The following LCORL variants were observed in gnomAD, a reference collection of about 807,000 sequenced individuals.
LCORL encodes ligand dependent nuclear receptor corepressor like, also known as ligand-dependent nuclear receptor corepressor-like protein.
LCORL carries 41 observed loss-of-function variants against 141.8 expected under a neutral mutation model. The ratio of observed to expected loss-of-function variants is 0.29; its 90% confidence interval spans 0.23 to 0.38. The LOEUF is 0.38. Among genes scored for constraint, LCORL ranks in the 10% least tolerant of loss-of-function variants. The pLI, the probability that LCORL is intolerant of heterozygous loss-of-function variation, is 1.00. For missense variants in LCORL, 1,759 were observed against 2,035.0 expected, an observed-to-expected ratio of 0.86 and a Z score of 2.61; for synonymous variants, 618 against 694.1, an observed-to-expected ratio of 0.89 and a Z score of 1.72.
intron 1 of LCORL, among the ~76,000 whole-genome samples, chr4:17,997,176 C>T (rs1721044573): frequency 6.6e-6 from 1 of 152,144 alleles, no homozygotes; most frequent in African/African-American, 2.4e-5. Context: ...CACTAAACAA[C>T]AGTTTGTTCA....
At chr4:17,905,772 C>T (rs1341865633) in intron 5 of LCORL, among the ~76,000 whole-genome samples, 1 of 151,876 alleles carries the variant, frequency 6.6e-6, no homozygotes, top group Non-Finnish European at 1.5e-5. Context: ...AAATAACTGG[C>T]TTAAATGAGT....
chr4:17,884,262 A>C lies in LCORL; in HGVS notation c.776+1806T>G. The C allele has an allele frequency of 6.4e-7, 1 of 1,550,766 alleles. No homozygotes were observed. Among genetic ancestry groups the C allele is most frequent in the East Asian group, 2.4e-5 (1 of 40,890 alleles). ...CCAGAACCATCAGGTTGTGATTTTGAGACAGAACTTACTCGTAGCTGAGGA... is the reference window on the plus strand; with the variant it reads ...CCAGAACCATCAGGTTGTGATTTTGCGACAGAACTTACTCGTAGCTGAGGA... On this transcript the variant is annotated intron_variant, in intron 6 of 7. Coordinates refer to ENST00000635767, the Ensembl canonical transcript of LCORL. The surrounding 1 kb of genome is among the most constrained non-coding windows in gnomAD (Gnocchi z 4.4).
intron 1 of LCORL, among the ~76,000 whole-genome samples, chr4:17,999,901 G>A (rs1242663126): frequency 6.6e-6 from 1 of 152,096 alleles, no homozygotes; most frequent in Non-Finnish European, 1.5e-5. Flanking sequence ...TACAAATAAG[G>A]TTGTTAAATG....
At chr4:17,925,238 T>A (rs115585992) in intron 4 of LCORL, among the ~76,000 whole-genome samples, 1,604 of 152,174 alleles carry the variant, frequency 0.011, 15 homozygotes, top group Non-Finnish European at 0.016. Flanking sequence ...ACTATGAAGA[T>A]GAAATTAGTC....
chr4:17,909,048 A>G (rs1560324710), intron 5 of LCORL, 46 bp downstream of exon 5: 1 of 1,480,934 alleles, frequency 6.8e-7, no homozygotes, highest in Non-Finnish European at 9.1e-7. Context: ...ACATTTAACG[A>G]TATAAAACAT....
chr4:17,852,608 G>T (rs1260147605), intron 7 of LCORL, among the ~76,000 whole-genome samples: 2 of 152,100 alleles, frequency 1.3e-5, no homozygotes, highest in Non-Finnish European at 2.9e-5. Flanking sequence ...ACTAATGCAG[G>T]TGAGGGTTGA....
At chr4:17,895,538 C>G (rs953326202) in intron 5 of LCORL, among the ~76,000 whole-genome samples, 1 of 152,108 alleles carries the variant, frequency 6.6e-6, no homozygotes. Flanking sequence ...ATATACCACA[C>G]TAAAAAAAAC....
At chr4:17,851,088 T>C (rs921957354) in intron 7 of LCORL, among the ~76,000 whole-genome samples, 2 of 131,372 alleles carry the variant, frequency 1.5e-5, no homozygotes, top group African/African-American at 2.9e-5. Flanking sequence ...TGAGAACACA[T>C]GGACACAGGA....
At chr4:17,974,328 TCTA>T (rs759457241) in intron 1 of LCORL, among the ~76,000 whole-genome samples, 1 of 152,132 alleles carries the variant, frequency 6.6e-6, no homozygotes, top group Non-Finnish European at 1.5e-5. Flanking sequence ...GTTAACTTCT[TCTA>T]CTATCTATTC....
chr4:17,862,250 T>A (rs1424036786), intron 7 of LCORL, among the ~76,000 whole-genome samples: 1 of 152,176 alleles, frequency 6.6e-6, no homozygotes, highest in Non-Finnish European at 1.5e-5. Context: ...AGCCTCACAA[T>A]CATGGCAAAA....
intron 4 of LCORL, among the ~76,000 whole-genome samples, chr4:17,928,990 T>C (rs1266537501): frequency 6.6e-6 from 1 of 152,190 alleles, no homozygotes; most frequent in Non-Finnish European, 1.5e-5. Flanking sequence ...ATGAATTTTA[T>C]TTCTAACCAA....
At chr4:17,930,336 C>CCA (rs914309645) in intron 4 of LCORL, among the ~76,000 whole-genome samples, 63 of 152,196 alleles carry the variant, frequency 4.1e-4, no homozygotes, top group African/African-American at 1.5e-3. Flanking sequence ...GACTCCGTTT[C>CCA]CACACACAAA....
At chr4:17,940,352 C>G (rs966280209) in intron 4 of LCORL, among the ~76,000 whole-genome samples, 1 of 144,044 alleles carries the variant, frequency 6.9e-6, no homozygotes, top group African/African-American at 2.5e-5. Flanking sequence ...TGGTTAAGCC[C>G]ACGGGCTCCT....
At chr4:17,922,508 G>A (rs927598272) in intron 4 of LCORL, among the ~76,000 whole-genome samples, 2 of 152,166 alleles carry the variant, frequency 1.3e-5, no homozygotes, top group African/African-American at 2.4e-5. Context: ...TAGAGAAAGT[G>A]ATGAAAGAAA....
At chr4:17,890,068 T>A (rs993472159) in intron 5 of LCORL, among the ~76,000 whole-genome samples, 18 of 152,090 alleles carry the variant, frequency 1.2e-4, no homozygotes, top group African/African-American at 4.1e-4. Context: ...TGTAATTTAT[T>A]CCCCATTTAT....
intron 4 of LCORL, among the ~76,000 whole-genome samples, chr4:17,920,265 C>T (rs1386075181): frequency 6.6e-6 from 1 of 152,180 alleles, no homozygotes; most frequent in Non-Finnish European, 1.5e-5. Flanking sequence ...GAAAACCATC[C>T]AGGCCTCTGG....
chr4:17,891,488 C>T (rs1729073656), intron 5 of LCORL, among the ~76,000 whole-genome samples: 2 of 152,028 alleles, frequency 1.3e-5, no homozygotes, highest in African/African-American at 4.8e-5. Context: ...GTAGATTGTA[C>T]AATTTTTTAA....
chr4:17,914,635 A>G (rs887169297), intron 4 of LCORL, among the ~76,000 whole-genome samples: 1 of 152,234 alleles, frequency 6.6e-6, no homozygotes. Flanking sequence ...ACAAGTTGTC[A>G]TAACTACAAA....
At chr4:17,951,224 G>C (rs558862588) in intron 4 of LCORL, among the ~76,000 whole-genome samples, 1 of 152,196 alleles carries the variant, frequency 6.6e-6, no homozygotes, top group Non-Finnish European at 1.5e-5. Flanking sequence ...TGCTATTGAC[G>C]ATCATTAATT....
Sources: gnomAD v4.1 joint callset for allele counts (sites outside exome capture counted in the v4.1 genomes callset) on GRCh38, gnomAD v4.1.1 for gene constraint, Gnocchi (gnomAD v3.1) non-coding constraint, MANE v1.5 for transcripts, NCBI Gene and HGNC (gene_info 2026-07-23, HGNC 2026-07-21) for gene names.